Variants in NLGN2 observed in about 807,000 individuals in gnomAD.
NLGN2 encodes the protein neuroligin-2.
Under a neutral mutation model 48.6 loss-of-function variants are expected in NLGN2, and 11 were observed. The observed-to-expected ratio is 0.23, with a 90% CI of 0.14 to 0.37. The LOEUF is 0.37. Among genes scored for constraint, NLGN2 ranks in the 10% least tolerant of loss-of-function variants. NLGN2 has a pLI of 1.00. For missense variants in NLGN2, 801 were observed against 1,225.2 expected, an observed-to-expected ratio of 0.65 and a Z score of 5.17; for synonymous variants, 548 against 550.0, an observed-to-expected ratio of 1.00 and a Z score of 0.05.
Position 7,410,792 on chromosome 17 carries a change from T to G in NLGN2, c.458-1365T>G, listed in dbSNP as rs552460768. ...TCTCACTGAATCTTCACACCAGCTC[T>G]GGGAGGAAGAGGTTGACTCAGGCGC... On this transcript the variant is annotated intron_variant, in intron 1 of 6. Transcript: ENST00000302926. 4.6e-5 allele frequency among the ~76,000 whole-genome samples: 7 copies of G among 152,366 alleles called. No homozygotes were observed. The South Asian group carries it at 1.2e-3, about 27-fold the overall frequency.
rs758738182 is a variant in NLGN2 at position 7,408,754 on chromosome 17, C to T, written c.457+42C>T. 8.7e-6 allele frequency: 14 copies of T among 1,610,810 alleles called. No homozygotes were observed. The highest frequency in any genetic ancestry group is 3.4e-4 in the Middle Eastern group (2 of 5,918). On this transcript the variant is annotated intron_variant, in intron 1 of 6. Transcript: ENST00000302926. This position sits in a 1 kb window ranked among gnomAD's most constrained non-coding sequence, Gnocchi z 7.5. ...AAAGCCGGGCACCCCGTGGACACAG[C>T]CCACAAACGCACATGCAGACCCTCA...
In NLGN2 at chr17:7,417,193, C is replaced by G. The variant is rs767358008; in HGVS notation, c.1902C>G (p.Pro634=). The change falls in exon 7 of 7, where the codon CCC becomes CCG. Residue 634 remains proline (P), a synonymous_variant. Coordinates refer to ENST00000302926, the MANE Select transcript of NLGN2 (RefSeq NM_020795.4). ...PYATRWPPRP[P]AGAPGTRRPP... ...CCACGCGCTGGCCGCCTCGTCCCCC[C>G]GCTGGCGCCCCGGGCACACGCCGGC... The G allele has an allele frequency of 5.1e-6, 8 of 1,564,282 alleles. No homozygotes were observed. In the Admixed American group the frequency reaches 1.1e-4, roughly 22 times the overall value.
intron 3 of NLGN2, 78 bp from the exon 4 acceptor site, chr17:7,414,585 G>T (rs895979667): frequency 1.2e-6 from 2 of 1,610,748 alleles, no homozygotes; most frequent in African/African-American, 2.7e-5. Context: ...AATGGCTTCT[G>T]GGCTGGACTG....
Position 7,408,447 on chromosome 17 carries a change from C to A in NLGN2, c.192C>A (p.Gly64=). Residue 64 remains glycine, a synonymous_variant, in exon 1 of 7, where the codon GGC becomes GGA. Transcript: ENST00000302926. This position sits in a 1 kb window ranked among gnomAD's most constrained non-coding sequence, Gnocchi z 7.5. ...VRRELNNEIL[G]PVVQFLGVPY... ...GCGAGCTCAACAACGAGATCCTGGG[C>A]CCCGTCGTGCAGTTCTTGGGCGTGC... 6.4e-7 allele frequency: 1 copy of A among 1,566,218 alleles called. No individual in the cohort carries two copies. The highest frequency in any genetic ancestry group is 1.8e-5 in the Admixed American group (1 of 55,694).
Position 7,408,436 on chromosome 17 carries a change from G to A in NLGN2, c.181G>A (p.Glu61Lys), listed in dbSNP as rs778023179. ...CGGTGTGCGGCGCGAGCTCAACAAC[G>A]AGATCCTGGGCCCCGTCGTGCAGTT... is the stretch of plus-strand genomic sequence containing the variant. ...VRGVRRELNN[E>K]ILGPVVQFLG... is the part of the protein sequence containing the mutation. The change falls in exon 1 of 7, where the codon GAG (glutamate) becomes AAG (lysine). Residue 61 changes from glutamate to lysine, a missense_variant. Physicochemically the swap from Glu to Lys is moderately conservative, Grantham distance 56. Coordinates refer to ENST00000302926, the MANE Select transcript of NLGN2 (RefSeq NM_020795.4). This position sits in a 1 kb window ranked among gnomAD's most constrained non-coding sequence, Gnocchi z 7.5. 2 of 1,568,810 alleles carry A rather than the reference G, an allele frequency of 1.3e-6. No homozygotes were observed. The highest frequency in any genetic ancestry group is 1.7e-6 in the Non-Finnish European group (2 of 1,161,482).
chr17:7,410,268 C>T (rs1906825769), intron 1 of NLGN2, among the ~76,000 whole-genome samples: 3 of 151,656 alleles, frequency 2.0e-5, no homozygotes, highest in African/African-American at 7.3e-5. Flanking sequence ...CACCCTGTAT[C>T]CCCCATCCCA....
upstream of NLGN2, among the ~76,000 whole-genome samples, chr17:7,407,399 G>T (rs1472458717): frequency 6.6e-6 from 1 of 152,168 alleles, no homozygotes; most frequent in African/African-American, 2.4e-5. Flanking sequence ...GTCGCAGGCA[G>T]CACAAATCCT....
Position 7,408,687 on chromosome 17 carries a change from C to G in NLGN2, c.432C>G (p.Leu144=), listed in dbSNP as rs368199205. The G allele has an allele frequency of 6.2e-7, 1 of 1,613,186 alleles. No individual in the cohort carries two copies. ...ACCAGAGCGAGGACTGCCTGTACCTCAACCTCTACGTGCCCACCGAGGACG... is the reference window on the plus strand; with the variant it reads ...ACCAGAGCGAGGACTGCCTGTACCTGAACCTCTACGTGCCCACCGAGGACG... The part of the protein sequence containing the change: ...VQNQSEDCLY[L]NLYVPTEDGP... The change falls in exon 1 of 7, where the codon CTC becomes CTG. Residue 144 remains leucine (L), a synonymous_variant. Transcript: ENST00000302926. The surrounding 1 kb of genome is among the most constrained non-coding windows in gnomAD (Gnocchi z 7.5).
At chr17:7,415,439 G>C in intron 5 of NLGN2, 72 bp from the exon 6 acceptor site, 4 of 1,368,344 alleles carry the variant, frequency 2.9e-6, no homozygotes, top group Non-Finnish European at 4.2e-6. Flanking sequence ...GCATCTGCGT[G>C]TGGGCTTAGC....
At position 7,417,770 on chromosome 17, in the gene NLGN2, C is replaced by A; in HGVS notation, c.2479C>A (p.Pro827Thr). Residue 827 changes from proline (P) to threonine (T), a missense_variant, in exon 7 of 7, where the codon CCC becomes ACC. Coordinates refer to ENST00000302926, the MANE Select transcript of NLGN2 (RefSeq NM_020795.4). ...PTATSHNNTL[P>T]HPHSTTRV ...CGCCACCAGCCACAACAACACGCTA[C>A]CCCACCCCCACTCCACCACTCGGGT... is the stretch of plus-strand genomic sequence containing the variant. 6 of 1,331,620 alleles carry A rather than the reference C, an allele frequency of 4.5e-6. No homozygotes were observed. Among genetic ancestry groups the A allele is most frequent in the Admixed American group, 3.1e-5 (1 of 32,446 alleles). The allele number at this position is 1,331,620 out of a possible 1,614,324, so 82.5% of individuals were successfully genotyped here. A position where few individuals can be genotyped will look rare whatever the true frequency, so the allele number is the denominator to read the frequency against.
chr17:7,414,462 A>C lies in NLGN2; in HGVS notation c.627A>C (p.Val209=), dbSNP rs1279135300. The change falls in exon 3 of 7, where the codon GTA becomes GTC. Residue 209 remains valine, a synonymous_variant. Coordinates refer to ENST00000302926, the MANE Select transcript of NLGN2 (RefSeq NM_020795.4). Reference sequence around the variant, plus strand: ...TGGCTGCCTATGGCAACGTCATTGTAGCCACGCTCAACTACCGTCTTGGGG... The same window carrying C: ...TGGCTGCCTATGGCAACGTCATTGTCGCCACGCTCAACTACCGTCTTGGGG... The part of the protein sequence containing the change: ...SVLAAYGNVI[V]ATLNYRLGVL... The C allele has an allele frequency of 6.8e-6, 11 of 1,614,002 alleles. No individual in the cohort carries two copies. The Admixed American group carries it at 1.8e-4, about 27-fold the overall frequency.
In NLGN2 at chr17:7,417,222, C is replaced by T. The variant is rs1429441434; in HGVS notation, c.1931C>T (p.Pro644Leu). 32 of 1,535,302 alleles carry T rather than the reference C, an allele frequency of 2.1e-5. No individual in the cohort carries two copies. Among genetic ancestry groups the T allele is most frequent in the East Asian group, 4.9e-5 (2 of 40,514 alleles). ...GGCGCCCCGGGCACACGCCGGCCCC[C>T]GCCGCCTGCCACCCTGCCTCCCGAG... is the stretch of plus-strand genomic sequence containing the variant. Reference protein sequence around the residue: ...PAGAPGTRRPPPPATLPPEPE... With the variant: ...PAGAPGTRRPLPPATLPPEPE... Residue 644 changes from proline (P) to leucine (L), a missense_variant, in exon 7 of 7, where the codon CCG (proline) becomes CTG (leucine). Coordinates refer to ENST00000302926, the MANE Select transcript of NLGN2 (RefSeq NM_020795.4).
intron 1 of NLGN2, among the ~76,000 whole-genome samples, chr17:7,410,057 G>A (rs1038640176): frequency 3.3e-5 from 5 of 151,826 alleles, no homozygotes; most frequent in South Asian, 2.1e-4. Flanking sequence ...CTCAATCATT[G>A]TTTACCCCAC....
At chr17:7,409,269 G>A (rs1386080864) in intron 1 of NLGN2, among the ~76,000 whole-genome samples, 1 of 152,044 alleles carries the variant, frequency 6.6e-6, no homozygotes, top group Admixed American at 6.6e-5. Context: ...CAGTGGTACC[G>A]ATGTCCTTCT....
rs143644156 is a variant in NLGN2 at position 7,414,772 on chromosome 17, C to G, written c.768C>G (p.Pro256=). The part of the protein sequence containing the change: ...SENIAHFGGD[P]ERITIFGSGA... ...ACATCGCCCACTTTGGGGGCGACCCCGAGCGTATCACCATCTTTGGTTCCG... is the reference window on the plus strand; with the variant it reads ...ACATCGCCCACTTTGGGGGCGACCCGGAGCGTATCACCATCTTTGGTTCCG... The change falls in exon 4 of 7, where the codon CCC becomes CCG. Residue 256 remains proline (P), a synonymous_variant. Coordinates refer to ENST00000302926, the MANE Select transcript of NLGN2 (RefSeq NM_020795.4). 154 of 1,614,052 alleles carry G rather than the reference C, an allele frequency of 9.5e-5. No individual in the cohort carries two copies. Among genetic ancestry groups the G allele is most frequent in the Non-Finnish European group, 1.3e-4 (152 of 1,180,020 alleles).
rs533690278 is a variant in NLGN2, at chr17:7,413,155, G to A, written c.508+948G>A. ...GGACAGGATTTGAGGAGAACCCAGC[G>A]AGGGTGCTGCCCACATAGAAGCTCT... is the stretch of plus-strand genomic sequence containing the variant. On this transcript the variant is annotated intron_variant, in intron 2 of 6. Transcript: ENST00000302926. This position sits in a 1 kb window ranked among gnomAD's most constrained non-coding sequence, Gnocchi z 4.9. Among the ~76,000 whole-genome samples, 17 of 152,358 alleles carry A rather than the reference G, an allele frequency of 1.1e-4. No homozygotes were observed. The highest frequency in any genetic ancestry group is 2.9e-4 in the African/African-American group (12 of 41,582).
Position 7,416,921 on chromosome 17 carries a change from C to T in NLGN2, c.1635-5C>T, listed in dbSNP as rs772447345. ...CCTCCTTTCCCTGCCCTCCTGTGCCCACAGGGACCCCAACCAGCCGGTGCC... is the reference window on the plus strand; with the variant it reads ...CCTCCTTTCCCTGCCCTCCTGTGCCTACAGGGACCCCAACCAGCCGGTGCC... On this transcript the variant is annotated splice_region_variant and splice_polypyrimidine_tract_variant and intron_variant, in intron 6 of 6. Transcript: ENST00000302926. 6.2e-7 allele frequency: 1 copy of T among 1,613,620 alleles called. No individual in the cohort carries two copies. The highest frequency in any genetic ancestry group is 2.2e-5 in the East Asian group (1 of 44,866).
In NLGN2 at chr17:7,408,347, T is replaced by C; in HGVS notation, c.92T>C (p.Leu31Pro). 1.4e-6 allele frequency: 2 copies of C among 1,475,532 alleles called. No individual in the cohort carries two copies. The highest frequency in any genetic ancestry group is 1.3e-5 in the South Asian group (1 of 77,146). The allele number at this position is 1,475,532 out of a possible 1,614,324, so 91.4% of individuals were successfully genotyped here. A position where few individuals can be genotyped will look rare whatever the true frequency, so the allele number is the denominator to read the frequency against. The change falls in exon 1 of 7, where the codon CTG (leucine) becomes CCG (proline). Residue 31 changes from leucine to proline, a missense_variant. Transcript: ENST00000302926. This position sits in a 1 kb window ranked among gnomAD's most constrained non-coding sequence, Gnocchi z 7.5. ...PGGGAPGGPG[L>P]GLGSLGEERF... ...GGCGGCGCCCCGGGCGGCCCCGGCC[T>C]GGGCCTCGGCAGCCTCGGCGAGGAG...
chr17:7,413,838 C>T lies in NLGN2; in HGVS notation c.509-506C>T, dbSNP rs969285763. ...CCCAGGGACCCTAGGCCTGGCACCCCTCACCCACAGACCAGGGACCCTAGG... is the reference window on the plus strand; with the variant it reads ...CCCAGGGACCCTAGGCCTGGCACCCTTCACCCACAGACCAGGGACCCTAGG... On this transcript the variant is annotated intron_variant, in intron 2 of 6. Transcript: ENST00000302926. The surrounding 1 kb of genome is among the most constrained non-coding windows in gnomAD (Gnocchi z 4.9). 6.6e-6 allele frequency among the ~76,000 whole-genome samples: 1 copy of T among 151,904 alleles called. No homozygotes were observed. Among genetic ancestry groups the T allele is most frequent in the Non-Finnish European group, 1.5e-5 (1 of 67,930 alleles).
Sources: allele counts gnomAD v4.1 joint callset (sites outside exome capture counted in the v4.1 genomes callset), GRCh38; gene constraint gnomAD v4.1.1; non-coding constraint Gnocchi (gnomAD v3.1); transcripts MANE v1.5; gene names NCBI Gene and HGNC (gene_info 2026-07-23, HGNC 2026-07-21).